The following KLF8 variants were observed in gnomAD, a reference collection of about 807,000 sequenced individuals.
KLF8 encodes Krueppel-like factor 8.
Under a neutral mutation model 18.2 loss-of-function variants are expected in KLF8, and 10 were observed. The ratio of observed to expected loss-of-function variants is 0.55; its 90% CI spans 0.34 to 0.93. The LOEUF (loss-of-function observed/expected upper bound fraction) is 0.93. Among genes scored for constraint, KLF8 ranks in the 40% least tolerant of loss-of-function variants. The probability of loss-of-function intolerance (pLI) is 0.02; values close to 1 mark genes in which losing one functional copy is unlikely to be tolerated. For synonymous variants in KLF8, 109 were observed against 97.3 expected, an observed-to-expected ratio of 1.12 and a Z score of -0.71; for missense variants, 264 against 277.9, an observed-to-expected ratio of 0.95 and a Z score of 0.36.
chrX:55,945,806 T>C, the KLF8 span, among the ~76,000 whole-genome samples: 1 of 110,835 alleles, frequency 9.0e-6, no homozygotes, highest in Non-Finnish European at 1.9e-5. Flanking sequence ...GGATAAAAAA[T>C]CAATGTACAA....
the KLF8 span, among the ~76,000 whole-genome samples, chrX:55,957,936 G>T: frequency 1.8e-5 from 2 of 112,006 alleles, no homozygotes; most frequent in Non-Finnish European, 3.8e-5. Context: ...TCATTTAACA[G>T]ATGAGAAAAT....
the KLF8 span, among the ~76,000 whole-genome samples, chrX:56,164,396 G>A: frequency 1.6e-3 from 142 of 90,062 alleles, no homozygotes; most frequent in Non-Finnish European, 2.5e-3. Context: ...AAATCACAGA[G>A]CAGGAGCAAT....
chrX:56,072,666 A>G, the KLF8 span, among the ~76,000 whole-genome samples: 2 of 112,540 alleles, frequency 1.8e-5, no homozygotes, highest in African/African-American at 6.4e-5. Flanking sequence ...TAATTTTTGT[A>G]AAACATTCAT....
the KLF8 span, among the ~76,000 whole-genome samples, chrX:56,084,307 C>G: frequency 9.0e-6 from 1 of 110,717 alleles, no homozygotes; most frequent in Non-Finnish European, 1.9e-5. Flanking sequence ...TGCTTTAGCC[C>G]TAGAAGTCAA....
the KLF8 span, among the ~76,000 whole-genome samples, chrX:56,001,144 C>A: frequency 8.9e-6 from 1 of 112,096 alleles, no homozygotes; most frequent in Non-Finnish European, 1.9e-5. Flanking sequence ...CTATTGGGAT[C>A]ATCGAAACTG....
At chrX:56,269,230 G>T (rs1602455844) in intron 3 of KLF8, 148 bp from the exon 4 acceptor site, 1 of 1,042,114 alleles carries the variant, frequency 9.6e-7, no homozygotes, top group Non-Finnish European at 1.2e-6. Flanking sequence ...TTCCTTCCAT[G>T]CAAATACACT....
At chrX:56,128,616 A>G in the KLF8 span, among the ~76,000 whole-genome samples, 35 of 111,930 alleles carry the variant, frequency 3.1e-4, no homozygotes, top group Non-Finnish European at 6.0e-4. Flanking sequence ...TAAATGGCTT[A>G]GCATTTATCT....
At chrX:56,258,974 G>A (rs1213888367) in intron 2 of KLF8, among the ~76,000 whole-genome samples, 1 of 111,540 alleles carries the variant, frequency 9.0e-6, no homozygotes, top group African/African-American at 3.3e-5. Context: ...GGGCACACAT[G>A]CTGCTCTCCC....
At chrX:55,979,722 C>CA in the KLF8 span, among the ~76,000 whole-genome samples, 5 of 111,249 alleles carry the variant, frequency 4.5e-5, no homozygotes, top group Non-Finnish European at 9.4e-5. Flanking sequence ...ATATGGCTTC[C>CA]AAAACAAAAA....
the KLF8 span, among the ~76,000 whole-genome samples, chrX:55,936,087 G>A: frequency 8.9e-6 from 1 of 112,224 alleles, no homozygotes; most frequent in East Asian, 2.8e-4. Flanking sequence ...CTACCAGAGA[G>A]AATGCATCTA....
At chrX:56,159,592 A>G in the KLF8 span, among the ~76,000 whole-genome samples, 2 of 112,204 alleles carry the variant, frequency 1.8e-5, no homozygotes, top group Non-Finnish European at 3.8e-5. Context: ...TCAGAGATTC[A>G]ACTTCTTCCT....
At chrX:55,916,939 G>A in the KLF8 span, among the ~76,000 whole-genome samples, 1 of 111,747 alleles carries the variant, frequency 8.9e-6, no homozygotes, top group African/African-American at 3.3e-5. Flanking sequence ...TCAGAGGTTG[G>A]CTTCCAGAGA....
chrX:56,057,756 C>A, the KLF8 span, among the ~76,000 whole-genome samples: 2 of 111,053 alleles, frequency 1.8e-5, no homozygotes, highest in Non-Finnish European at 3.8e-5. Context: ...GGGCTAACGT[C>A]TCCTATGGGA....
At chrX:56,059,667 C>T in the KLF8 span, among the ~76,000 whole-genome samples, 9 of 111,260 alleles carry the variant, frequency 8.1e-5, no homozygotes, top group African/African-American at 1.3e-4. Flanking sequence ...TGGTTGTAGA[C>T]GTGTGGCATT....
At chrX:56,084,845 A>C in the KLF8 span, among the ~76,000 whole-genome samples, 23,166 of 111,289 alleles carry the variant, frequency 0.21, 4,904 homozygotes, top group African/African-American at 0.66. Flanking sequence ...AAAGGCACAG[A>C]TTTAGATTGA....
chrX:56,061,651 G>T, the KLF8 span, among the ~76,000 whole-genome samples: 18 of 111,606 alleles, frequency 1.6e-4, no homozygotes, highest in Admixed American at 1.7e-3. Flanking sequence ...TTGATATGGC[G>T]TGGAGAGTTC....
the KLF8 span, among the ~76,000 whole-genome samples, chrX:56,043,357 C>T: frequency 3.6e-5 from 4 of 110,417 alleles, no homozygotes; most frequent in Non-Finnish European, 7.6e-5. Context: ...TGAATGTTTG[C>T]CTGTCTTGCT....
At chrX:55,988,004 G>T in the KLF8 span, among the ~76,000 whole-genome samples, 1 of 112,260 alleles carries the variant, frequency 8.9e-6, no homozygotes, top group African/African-American at 3.2e-5. Context: ...GCCTTCTTTT[G>T]AGAAGTGTCT....
chrX:56,080,827 T>G, the KLF8 span, among the ~76,000 whole-genome samples: 1 of 111,379 alleles, frequency 9.0e-6, no homozygotes, highest in African/African-American at 3.3e-5. Flanking sequence ...GTCCCATATT[T>G]CTTGGAGGCT....
Sources: gnomAD v4.1 joint callset for allele counts (sites outside exome capture counted in the v4.1 genomes callset) on GRCh38, gnomAD v4.1.1 for gene constraint, MANE v1.5 for transcripts, NCBI Gene and HGNC (gene_info 2026-07-23, HGNC 2026-07-21) for gene names.